The following SH2D4A variants were observed in gnomAD, a reference collection of about 807,000 sequenced individuals.
SH2D4A encodes the protein SH2 domain containing 4A, also known as SH2 domain-containing protein 4A.
Under a neutral mutation model 64.7 loss-of-function variants are expected in SH2D4A, and 70 were observed. That is an observed-to-expected ratio of 1.08 (90% CI 0.89 to 1.32). The LOEUF (loss-of-function observed/expected upper bound fraction) is 1.32. Ranked by LOEUF, SH2D4A falls within the 40% of genes most tolerant of loss-of-function variation. The pLI is 0.00. For missense variants in SH2D4A, 706 were observed against 540.1 expected (o/e 1.31, Z -3.04); for synonymous variants, 268 against 200.7 (o/e 1.34, Z -2.83).
intron 7 of SH2D4A, among the ~76,000 whole-genome samples, chr8:19,365,145 ACT>A (rs1437152863): frequency 6.6e-6 from 1 of 151,868 alleles, no homozygotes; most frequent in African/African-American, 2.4e-5. Flanking sequence ...GAAAAATAAG[ACT>A]CTTCTCCTGC....
chr8:19,370,658 G>A (rs183744493), intron 7 of SH2D4A, among the ~76,000 whole-genome samples: 19 of 152,132 alleles, frequency 1.2e-4, no homozygotes, highest in African/African-American at 4.6e-4. Context: ...TGCAGGCAAT[G>A]TATAATTTGG....
rs1364470142 is a variant in SH2D4A at position 19,319,463 on chromosome 8, C to CA, written c.-83dup. On this transcript the variant is annotated 5_prime_UTR_variant, in exon 2 of 10. Transcript: ENST00000265807. ...GTTTGGGAAGTTTCGTGGAAACGCC[C>CA]AAGTGCCAGCACAGGTGGAGGGACA... The CA allele has an allele frequency of 8.8e-6, 12 of 1,360,712 alleles. No individual in the cohort carries two copies. Among genetic ancestry groups the CA allele is most frequent in the Non-Finnish European group, 1.0e-5 (11 of 1,051,496 alleles). 84.3% of individuals were successfully genotyped at this position (1,360,712 alleles called of 1,614,324 possible). A position where few individuals can be genotyped will look rare whatever the true frequency, so the allele number is the denominator to read the frequency against.
intron 8 of SH2D4A, among the ~76,000 whole-genome samples, chr8:19,378,489 G>A (rs529518166): frequency 2.2e-4 from 33 of 152,252 alleles, no homozygotes; most frequent in Admixed American, 1.6e-3. Context: ...AGGCTGGAGT[G>A]CAGTGGCACG....
At chr8:19,352,053 G>C (rs913172588) in intron 4 of SH2D4A, among the ~76,000 whole-genome samples, 2 of 152,182 alleles carry the variant, frequency 1.3e-5, no homozygotes, top group Admixed American at 6.5e-5. Context: ...AAAGTGCTGG[G>C]ATTACAGGCC....
Position 19,319,365 on chromosome 8 carries a change from A to T in SH2D4A, c.-183A>T. 4 of 1,252,748 alleles carry T rather than the reference A, an allele frequency of 3.2e-6. No homozygotes were observed. Among genetic ancestry groups the T allele is most frequent in the Non-Finnish European group, 4.0e-6 (4 of 997,892 alleles). 77.6% of individuals were successfully genotyped at this position (1,252,748 alleles called of 1,614,324 possible). ...GCAGGTTCAGTGAACAGCATTTTGG[A>T]CAGGACATTTGGTGCCAGGTCTGAG... On this transcript the variant is annotated 5_prime_UTR_variant, in exon 2 of 10. Transcript: ENST00000265807.
intron 8 of SH2D4A, among the ~76,000 whole-genome samples, chr8:19,377,693 A>T (rs1047215534): frequency 6.6e-6 from 1 of 151,768 alleles, no homozygotes; most frequent in African/African-American, 2.4e-5. Context: ...ATATACACAC[A>T]CATATATTAC....
intron 4 of SH2D4A, among the ~76,000 whole-genome samples, chr8:19,338,495 G>T (rs749560042): frequency 1.2e-4 from 18 of 152,286 alleles, no homozygotes; most frequent in Middle Eastern, 3.4e-3. Flanking sequence ...CAGCTTAATC[G>T]CATGAGTCCT....
chr8:19,315,037 T>A (rs546257707), intron 1 of SH2D4A, among the ~76,000 whole-genome samples: 1 of 151,768 alleles, frequency 6.6e-6, no homozygotes, highest in African/African-American at 2.4e-5. Flanking sequence ...TATTTTTTAT[T>A]TTATTAGGTC....
chr8:19,373,712 G>T (rs767515877), intron 8 of SH2D4A, 52 bp downstream of exon 8: 1 of 1,545,634 alleles, frequency 6.5e-7, no homozygotes, highest in Non-Finnish European at 8.8e-7. Flanking sequence ...GGATGAAGCT[G>T]TGCTAATCTA....
At chr8:19,359,034 A>C (rs1034346847) in intron 5 of SH2D4A, among the ~76,000 whole-genome samples, 1 of 152,186 alleles carries the variant, frequency 6.6e-6, no homozygotes, top group Non-Finnish European at 1.5e-5. Flanking sequence ...CCAGCAAAAC[A>C]CTGCTGAAAA....
At chr8:19,339,947 T>G (rs931947474) in intron 4 of SH2D4A, among the ~76,000 whole-genome samples, 5 of 152,146 alleles carry the variant, frequency 3.3e-5, no homozygotes, top group African/African-American at 9.7e-5. Context: ...ACTGCTCTCA[T>G]GATATTTTGG....
rs551720825 is a variant in SH2D4A at position 19,363,372 on chromosome 8, C to T, written c.707-700C>T. On this transcript the variant is annotated intron_variant, in intron 6 of 9. Coordinates refer to ENST00000265807, the MANE Select transcript of SH2D4A (RefSeq NM_022071.4). Reference sequence around the variant, plus strand: ...TATTACAGGTATGAGCCACTGTGCCCGGCCTTATGTTGGGGGTATTTAGAC... The same window carrying T: ...TATTACAGGTATGAGCCACTGTGCCTGGCCTTATGTTGGGGGTATTTAGAC... Among the ~76,000 whole-genome samples, 19 of 152,120 alleles carry T rather than the reference C, an allele frequency of 1.2e-4. No homozygotes were observed. In the South Asian group the frequency reaches 1.5e-3, roughly 12 times the overall value.
At chr8:19,315,893 C>T (rs906022334) in intron 1 of SH2D4A, among the ~76,000 whole-genome samples, 1 of 152,186 alleles carries the variant, frequency 6.6e-6, no homozygotes, top group Non-Finnish European at 1.5e-5. Flanking sequence ...ATGTCAGATA[C>T]CCACACATTA....
chr8:19,357,418 A>G (rs2052810474), intron 5 of SH2D4A, 135 bp downstream of exon 5: 1 of 706,344 alleles, frequency 1.4e-6, no homozygotes, highest in Non-Finnish European at 2.4e-6. Flanking sequence ...AAAAGCTGCA[A>G]ACACAGTTCT....
intron 8 of SH2D4A, among the ~76,000 whole-genome samples, chr8:19,374,836 G>A (rs1417334417): frequency 2.0e-5 from 3 of 152,076 alleles, no homozygotes; most frequent in Non-Finnish European, 4.4e-5. Flanking sequence ...GGCCAATTAT[G>A]CATTAGCCGC....
At chr8:19,316,180 C>T (rs1412859407) in intron 1 of SH2D4A, among the ~76,000 whole-genome samples, 1 of 152,174 alleles carries the variant, frequency 6.6e-6, no homozygotes, top group Non-Finnish European at 1.5e-5. Flanking sequence ...TCGTCAACGG[C>T]CTGACCACAG....
At chr8:19,356,098 G>A (rs1238581116) in intron 4 of SH2D4A, among the ~76,000 whole-genome samples, 2 of 152,214 alleles carry the variant, frequency 1.3e-5, no homozygotes, top group African/African-American at 2.4e-5. Context: ...CCAGCCCAAA[G>A]GAAGGTGGAA....
chr8:19,364,599 C>T (rs957298619), intron 7 of SH2D4A, among the ~76,000 whole-genome samples: 7 of 152,018 alleles, frequency 4.6e-5, no homozygotes, highest in East Asian at 1.9e-4. Flanking sequence ...CCCTCCCCCC[C>T]AGAGGCAGCC....
intron 2 of SH2D4A, among the ~76,000 whole-genome samples, chr8:19,326,232 C>G (rs189127497): frequency 1.3e-5 from 2 of 152,278 alleles, no homozygotes; most frequent in East Asian, 3.9e-4. Context: ...GAGTAATCAC[C>G]TGAGCTGATA....
Sources: allele counts gnomAD v4.1 joint callset (sites outside exome capture counted in the v4.1 genomes callset), GRCh38; gene constraint gnomAD v4.1.1; transcripts MANE v1.5; gene names NCBI Gene and HGNC (gene_info 2026-07-23, HGNC 2026-07-21).